Variants in SMAD3 observed in about 807,000 individuals in gnomAD.
SMAD3 encodes the protein SMAD family member 3, also known as MAD homolog 3.
SMAD3 carries 12 observed loss-of-function variants against 51.8 expected under a neutral mutation model. The ratio of observed to expected loss-of-function variants is 0.23; its 90% CI spans 0.15 to 0.38. The LOEUF (loss-of-function observed/expected upper bound fraction) is 0.38, where lower values mean the gene tolerates loss of function less well. Ranked by LOEUF, SMAD3 falls within the 10% of genes least tolerant of loss-of-function variation. The pLI, the probability that SMAD3 is intolerant of heterozygous loss-of-function variation, is 1.00. For synonymous variants in SMAD3, 238 were observed against 227.7 expected, an observed-to-expected ratio of 1.05 and a Z score of -0.41; for missense variants, 294 against 565.6, an observed-to-expected ratio of 0.52 and a Z score of 4.87.
intron 1 of SMAD3, among the ~76,000 whole-genome samples, chr15:67,113,930 A>G (rs542952135): frequency 3.9e-5 from 6 of 152,330 alleles, no homozygotes; most frequent in Middle Eastern, 3.4e-3. Context: ...TCTTTTTCAA[A>G]TTGGGAATGT....
chr15:67,139,899 A>T (rs1439008674), intron 1 of SMAD3, among the ~76,000 whole-genome samples: 2 of 151,960 alleles, frequency 1.3e-5, no homozygotes, highest in Admixed American at 1.3e-4. Context: ...TGGGTGGATT[A>T]CTTGAGGTCA....
At chr15:67,162,570 G>C (rs1230191541) in intron 1 of SMAD3, among the ~76,000 whole-genome samples, 1 of 152,094 alleles carries the variant, frequency 6.6e-6, no homozygotes. Context: ...TAGAAAACAG[G>C]AGAAGCCTTT....
chr15:67,096,286 G>A (rs922843543), intron 1 of SMAD3, among the ~76,000 whole-genome samples: 3 of 152,206 alleles, frequency 2.0e-5, no homozygotes, highest in African/African-American at 7.2e-5. Context: ...AGCATAAAGA[G>A]TGAGGTAGAA....
In SMAD3 at chr15:67,192,382, G is replaced by C. The variant is rs1963388775; in HGVS notation, c.*1846G>C. On this transcript the variant is annotated 3_prime_UTR_variant, in exon 9 of 9. Coordinates refer to ENST00000327367, the MANE Select transcript of SMAD3 (RefSeq NM_005902.4). ...AAGGAGGGTTGACTCAGAACCCAGA[G>C]ACAATACAAAACCCCTCACTTCCTC... The C allele has an allele frequency of 1.3e-5, 3 of 233,274 alleles. No individual in the cohort carries two copies. The East Asian group carries it at 1.8e-4, about 14-fold the overall frequency. 14.5% of individuals were successfully genotyped at this position (233,274 alleles called of 1,614,324 possible).
At chr15:67,107,572 C>T (rs1252453143) in intron 1 of SMAD3, among the ~76,000 whole-genome samples, 1 of 152,174 alleles carries the variant, frequency 6.6e-6, no homozygotes, top group Non-Finnish European at 1.5e-5. Context: ...AGGGGCTTCC[C>T]CCGGCCCTTC....
At chr15:67,074,973 C>G (rs1342166127) in intron 1 of SMAD3, among the ~76,000 whole-genome samples, 1 of 152,072 alleles carries the variant, frequency 6.6e-6, no homozygotes, top group Non-Finnish European at 1.5e-5. Context: ...CTAAGTGTTG[C>G]ATCACAAACT....
At chr15:67,092,410 G>T (rs950050122) in intron 1 of SMAD3, among the ~76,000 whole-genome samples, 7 of 152,180 alleles carry the variant, frequency 4.6e-5, no homozygotes, top group African/African-American at 1.4e-4. Context: ...CTATAAATCA[G>T]CAGTTCTCAA....
chr15:67,138,864 G>A (rs1961740986), intron 1 of SMAD3, among the ~76,000 whole-genome samples: 1 of 152,204 alleles, frequency 6.6e-6, no homozygotes, highest in South Asian at 2.1e-4. Flanking sequence ...CTTGATCAGG[G>A]AAGATATGAA....
At chr15:67,179,652 G>T (rs1020913115) in intron 5 of SMAD3, among the ~76,000 whole-genome samples, 5 of 152,102 alleles carry the variant, frequency 3.3e-5, no homozygotes, top group Admixed American at 1.3e-4. Flanking sequence ...GTCCTGCAGG[G>T]GCAACCAGAC....
At chr15:67,081,934 G>A (rs1157141746) in intron 1 of SMAD3, among the ~76,000 whole-genome samples, 2 of 151,902 alleles carry the variant, frequency 1.3e-5, no homozygotes, top group African/African-American at 4.8e-5. Context: ...TTTTATTTGG[G>A]TTAGTGCAAA....
chr15:67,167,775 C>T (rs991319943), intron 4 of SMAD3, among the ~76,000 whole-genome samples: 2 of 152,144 alleles, frequency 1.3e-5, no homozygotes, highest in African/African-American at 4.8e-5. Context: ...TTGAATTGAA[C>T]CCCAGCTGCC....
chr15:67,115,620 T>C (rs1249473813), intron 1 of SMAD3, among the ~76,000 whole-genome samples: 1 of 151,148 alleles, frequency 6.6e-6, no homozygotes, highest in Non-Finnish European at 1.5e-5. Flanking sequence ...TGGGCCGTGA[T>C]TCCCTCATCA....
At chr15:67,168,779 A>T (rs1324207467) in intron 4 of SMAD3, among the ~76,000 whole-genome samples, 1 of 152,070 alleles carries the variant, frequency 6.6e-6, no homozygotes, top group Non-Finnish European at 1.5e-5. Flanking sequence ...GACAGACCAG[A>T]CTTGCGGACC....
At chr15:67,111,514 T>C (rs1961014139) in intron 1 of SMAD3, among the ~76,000 whole-genome samples, 1 of 152,206 alleles carries the variant, frequency 6.6e-6, no homozygotes, top group Non-Finnish European at 1.5e-5. Flanking sequence ...TACCTAGAAG[T>C]AGAATTATGG....
chr15:67,123,343 C>T (rs1012178195), intron 1 of SMAD3, among the ~76,000 whole-genome samples: 4 of 151,686 alleles, frequency 2.6e-5, no homozygotes, highest in African/African-American at 9.7e-5. Flanking sequence ...ACTGAAAATA[C>T]AAAAAATTAG....
At chr15:67,153,802 A>C (rs1052625657) in intron 1 of SMAD3, among the ~76,000 whole-genome samples, 3 of 152,172 alleles carry the variant, frequency 2.0e-5, no homozygotes, top group Non-Finnish European at 2.9e-5. Context: ...GGCCTCGCCA[A>C]ATCCATAGCC....
chr15:67,180,034 A>G (rs550569288), intron 5 of SMAD3, among the ~76,000 whole-genome samples: 2 of 152,286 alleles, frequency 1.3e-5, no homozygotes, highest in Admixed American at 1.3e-4. Flanking sequence ...AAGCTTTGAG[A>G]TGGAAGAGCG....
At chr15:67,132,863 T>G (rs1961559250) in intron 1 of SMAD3, among the ~76,000 whole-genome samples, 1 of 152,130 alleles carries the variant, frequency 6.6e-6, no homozygotes, top group Admixed American at 6.5e-5. Flanking sequence ...TCTGATAAAC[T>G]CCTTGAGTTG....
rs551554993 is a variant in SMAD3, at chr15:67,187,096, G to A, written c.1010-269G>A. The A allele has an allele frequency of 5.5e-5, 35 of 631,390 alleles. No homozygotes were observed. The East Asian group carries it at 7.4e-4, about 13-fold the overall frequency. 39.1% of individuals were successfully genotyped at this position (631,390 alleles called of 1,614,324 possible). On this transcript the variant is annotated intron_variant, in intron 7 of 8. Transcript: ENST00000327367. ...AGACTTCTCCCTGCTCTGGGAGTCG[G>A]AGCTTGTGGGCCAGCCTTCCATCTC...
Sources: gnomAD v4.1 joint callset for allele counts (sites outside exome capture counted in the v4.1 genomes callset) on GRCh38, gnomAD v4.1.1 for gene constraint, MANE v1.5 for transcripts, NCBI Gene and HGNC (gene_info 2026-07-23, HGNC 2026-07-21) for gene names.